Variants in DEFB4A observed in about 807,000 individuals in gnomAD.
DEFB4A encodes the protein defensin beta 4A.
Position 7,895,045 on chromosome 8 carries a change from C to T in DEFB4A, c.58+275C>T, listed in dbSNP as rs1218227518. Among the ~76,000 whole-genome samples the T allele has an allele frequency of 2.9e-5, 3 of 102,104 alleles. 1 individual carries two copies. The highest frequency in any genetic ancestry group is 4.2e-5 in the Non-Finnish European group (2 of 47,428). The allele number at this position is 102,104 out of a possible 152,430, so 67.0% of individuals were successfully genotyped here. ...ACTTTTAGACTGAGTAGACTGAATG[C>T]CCTATTTAATTGAACCAAGCATTGC... is the stretch of plus-strand genomic sequence containing the variant. On this transcript the variant is annotated intron_variant, in intron 1 of 1. Coordinates refer to ENST00000302247, the MANE Select transcript of DEFB4A (RefSeq NM_004942.4).
rs1345708937 is a variant in DEFB4A at position 7,895,767 on chromosome 8, GGGGAGGCA to G, written c.59-688_59-681del. ...CTAGAACAGTATAATGAAGGAAGGC[GGGGAGGCA>G]GGGAGGCAGGGAGGCAGGCTGGTGG... is the stretch of plus-strand genomic sequence containing the variant. On this transcript the variant is annotated intron_variant, in intron 1 of 1. Transcript: ENST00000302247. 4.7e-5 allele frequency among the ~76,000 whole-genome samples: 3 copies of G among 63,652 alleles called. 1 individual carries two copies. Among genetic ancestry groups the G allele is most frequent in the South Asian group, 7.6e-4 (1 of 1,314 alleles). 41.8% of individuals were successfully genotyped at this position (63,652 alleles called of 152,430 possible). A position where few individuals can be genotyped will look rare whatever the true frequency, so the allele number is the denominator to read the frequency against.
rs1333318986 is a variant in DEFB4A, at chr8:7,895,340, C to T, written c.58+570C>T. Among the ~76,000 whole-genome samples, 2 of 96,902 alleles carry T rather than the reference C, an allele frequency of 2.1e-5. 1 individual carries two copies. Among genetic ancestry groups the T allele is most frequent in the African/African-American group, 8.1e-5 (2 of 24,630 alleles). 63.6% of individuals were successfully genotyped at this position (96,902 alleles called of 152,430 possible). On this transcript the variant is annotated intron_variant, in intron 1 of 1. Coordinates refer to ENST00000302247, the MANE Select transcript of DEFB4A (RefSeq NM_004942.4). ...TGCAACCTAGAGAATTCCAGATAAT[C>T]TTAAGGCCCAGCCTATACTGTGAGA...
intron 1 of DEFB4A, among the ~76,000 whole-genome samples, chr8:7,895,922 A>G (rs1819000299): frequency 1.0e-5 from 1 of 96,602 alleles, no homozygotes; most frequent in African/African-American, 3.8e-5. Context: ...CTTAGATATT[A>G]GAAACAAGCC....
chr8:7,895,065 C>T (rs1381967640), intron 1 of DEFB4A, among the ~76,000 whole-genome samples: 1 of 102,098 alleles, frequency 9.8e-6, no homozygotes, highest in Non-Finnish European at 2.1e-5. Context: ...TTGAACCAAG[C>T]ATTGCTTCCT....
chr8:7,895,671 T>C (rs1818994340), intron 1 of DEFB4A, among the ~76,000 whole-genome samples: 1 of 76,414 alleles, frequency 1.3e-5, no homozygotes, highest in African/African-American at 5.1e-5. Context: ...ACCAATCTTA[T>C]TTATGAGTCC....
Position 7,895,774 on chromosome 8 carries a change from C to A in DEFB4A, c.59-700C>A, listed in dbSNP as rs1585734435. Reference sequence around the variant, plus strand: ...AGTATAATGAAGGAAGGCGGGGAGGCAGGGAGGCAGGGAGGCAGGCTGGTG... The same window carrying A: ...AGTATAATGAAGGAAGGCGGGGAGGAAGGGAGGCAGGGAGGCAGGCTGGTG... On this transcript the variant is annotated intron_variant, in intron 1 of 1. Coordinates refer to ENST00000302247, the MANE Select transcript of DEFB4A (RefSeq NM_004942.4). 4.1e-5 allele frequency among the ~76,000 whole-genome samples: 2 copies of A among 48,332 alleles called. 1 individual carries two copies. Among genetic ancestry groups the A allele is most frequent in the South Asian group, 2.6e-3 (2 of 774 alleles). The allele number at this position is 48,332 out of a possible 152,430, so 31.7% of individuals were successfully genotyped here. A position where few individuals can be genotyped will look rare whatever the true frequency, so the allele number is the denominator to read the frequency against.
chr8:7,895,118 G>A lies in DEFB4A; in HGVS notation c.58+348G>A, dbSNP rs566877391. On this transcript the variant is annotated intron_variant, in intron 1 of 1. Coordinates refer to ENST00000302247, the MANE Select transcript of DEFB4A (RefSeq NM_004942.4). ...TGAGAACCCAATGGACAACTCACTC[G>A]TTCTTCTAAGCCAATATGAAGGAGC... Among the ~76,000 whole-genome samples, 58 of 101,030 alleles carry A rather than the reference G, an allele frequency of 5.7e-4. 12 individuals are homozygous for A. The highest frequency in any genetic ancestry group is 3.1e-3 in the Admixed American group (32 of 10,282). 66.3% of individuals were successfully genotyped at this position (101,030 alleles called of 152,430 possible).
chr8:7,896,176 C>T lies in DEFB4A; in HGVS notation c.59-298C>T, dbSNP rs2128934894. On this transcript the variant is annotated intron_variant, in intron 1 of 1. Coordinates refer to ENST00000302247, the MANE Select transcript of DEFB4A (RefSeq NM_004942.4). ...GAATTCACAAGAGATCGTTGCTGAGCTCCTGCCAGACCCCACCTGGAGGCC... is the reference window on the plus strand; with the variant it reads ...GAATTCACAAGAGATCGTTGCTGAGTTCCTGCCAGACCCCACCTGGAGGCC... Among the ~76,000 whole-genome samples the T allele has an allele frequency of 4.9e-5, 5 of 101,952 alleles. 2 individuals carry two copies. In the South Asian group the frequency reaches 2.1e-3, roughly 43 times the overall value. The allele number at this position is 101,952 out of a possible 152,430, so 66.9% of individuals were successfully genotyped here. A position where few individuals can be genotyped will look rare whatever the true frequency, so the allele number is the denominator to read the frequency against.
At chr8:7,895,333 A>G (rs1818990878) in intron 1 of DEFB4A, among the ~76,000 whole-genome samples, 1 of 98,002 alleles carries the variant, frequency 1.0e-5, no homozygotes. Flanking sequence ...AGAGAATTCC[A>G]GATAATCTTA....
intron 1 of DEFB4A, among the ~76,000 whole-genome samples, chr8:7,895,217 A>C (rs1449175924): frequency 2.0e-5 from 2 of 101,802 alleles, no homozygotes; most frequent in Non-Finnish European, 4.2e-5. Flanking sequence ...GAAACCTGTT[A>C]GGTGACTTTT....
intron 1 of DEFB4A, among the ~76,000 whole-genome samples, chr8:7,895,181 A>G (rs1298185377): frequency 9.9e-6 from 1 of 101,470 alleles, no homozygotes; most frequent in Non-Finnish European, 2.1e-5. Context: ...ACTGCTTTCC[A>G]TGCTACAACT....
chr8:7,896,095 G>C (rs1209124986), intron 1 of DEFB4A, among the ~76,000 whole-genome samples: 1 of 102,210 alleles, frequency 9.8e-6, no homozygotes, highest in Admixed American at 9.6e-5. Flanking sequence ...TTACTGGCTT[G>C]TGTGTGTTAA....
intron 1 of DEFB4A, among the ~76,000 whole-genome samples, chr8:7,895,806 GGA>G (rs1818996836): frequency 0.022 from 1 of 46 alleles, no homozygotes; most frequent in African/African-American, 0.031. Context: ...GGTGGGAGGG[GGA>G]GGGAGGGAGG....
rs527705491 is a variant in DEFB4A, at chr8:7,896,171, C to G, written c.59-303C>G. Among the ~76,000 whole-genome samples, 101 of 101,958 alleles carry G rather than the reference C, an allele frequency of 9.9e-4. 21 individuals carry two copies. Among genetic ancestry groups the G allele is most frequent in the African/African-American group, 3.4e-3 (96 of 28,634 alleles). 66.9% of individuals were successfully genotyped at this position (101,958 alleles called of 152,430 possible). A position where few individuals can be genotyped will look rare whatever the true frequency, so the allele number is the denominator to read the frequency against. The stretch of plus-strand genomic sequence containing the variant: ...GAGCTGAATTCACAAGAGATCGTTG[C>G]TGAGCTCCTGCCAGACCCCACCTGG... On this transcript the variant is annotated intron_variant, in intron 1 of 1. Transcript: ENST00000302247.
chr8:7,895,028 A>C lies in DEFB4A; in HGVS notation c.58+258A>C, dbSNP rs552320996. The stretch of plus-strand genomic sequence containing the variant: ...TCCTTTCTTCTACCCACACTTTTAG[A>C]CTGAGTAGACTGAATGCCCTATTTA... On this transcript the variant is annotated intron_variant, in intron 1 of 1. Coordinates refer to ENST00000302247, the MANE Select transcript of DEFB4A (RefSeq NM_004942.4). 3.3e-4 allele frequency among the ~76,000 whole-genome samples: 34 copies of C among 101,568 alleles called. 9 individuals are homozygous for C. Among genetic ancestry groups the C allele is most frequent in the Non-Finnish European group, 6.4e-4 (30 of 47,160 alleles). The allele number at this position is 101,568 out of a possible 152,430, so 66.6% of individuals were successfully genotyped here.
rs1585734052 is a variant in DEFB4A at position 7,895,144 on chromosome 8, C to T, written c.58+374C>T. Among the ~76,000 whole-genome samples, 2 of 100,922 alleles carry T rather than the reference C, an allele frequency of 2.0e-5. 1 individual carries two copies. Among genetic ancestry groups the T allele is most frequent in the South Asian group, 7.4e-4 (2 of 2,690 alleles). The allele number at this position is 100,922 out of a possible 152,430, so 66.2% of individuals were successfully genotyped here. On this transcript the variant is annotated intron_variant, in intron 1 of 1. Transcript: ENST00000302247. ...TTCTTCTAAGCCAATATGAAGGAGC[C>T]CAGTAGTTTGTAAATATCATCTCTT...
intron 1 of DEFB4A, among the ~76,000 whole-genome samples, chr8:7,895,835 G>A (rs1278507937): frequency 4.5e-5 from 2 of 43,990 alleles, no homozygotes; most frequent in Non-Finnish European, 9.7e-5. Flanking sequence ...AGGAGGGAAG[G>A]AGGGAGGGAG....
chr8:7,895,190 C>T (rs568234570), intron 1 of DEFB4A, among the ~76,000 whole-genome samples: 1,754 of 101,260 alleles, frequency 0.017, 325 homozygotes, highest in South Asian at 0.11. Flanking sequence ...CATGCTACAA[C>T]TGCTGAGACT....
At position 7,896,151 on chromosome 8, in the gene DEFB4A, G is replaced by A. The variant is rs1295997449; in HGVS notation, c.59-323G>A. Among the ~76,000 whole-genome samples, 2 of 102,054 alleles carry A rather than the reference G, an allele frequency of 2.0e-5. 1 individual carries two copies. The highest frequency in any genetic ancestry group is 4.3e-5 in the Non-Finnish European group (2 of 46,366). 67.0% of individuals were successfully genotyped at this position (102,054 alleles called of 152,430 possible). On this transcript the variant is annotated intron_variant, in intron 1 of 1. Coordinates refer to ENST00000302247, the MANE Select transcript of DEFB4A (RefSeq NM_004942.4). ...GATATTATCTTCTTGTGGTGGAGCT[G>A]AATTCACAAGAGATCGTTGCTGAGC...
Sources: gnomAD v4.1 joint callset for allele counts (sites outside exome capture counted in the v4.1 genomes callset) on GRCh38, gnomAD v4.1.1 for gene constraint, MANE v1.5 for transcripts, NCBI Gene and HGNC (gene_info 2026-07-23, HGNC 2026-07-21) for gene names.